The following RGS6 variants were observed in gnomAD, a reference collection of about 807,000 sequenced individuals.
RGS6 encodes regulator of G-protein signaling 6.
Under a neutral mutation model 78.5 loss-of-function variants are expected in RGS6, and 30 were observed. The observed-to-expected ratio is 0.38, with a 90% CI of 0.29 to 0.52. RGS6 has a LOEUF of 0.52. RGS6 is among the 20% of genes least tolerant of loss of function. The pLI is 0.85. For missense variants in RGS6, 495 were observed against 609.7 expected, an observed-to-expected ratio of 0.81 and a Z score of 1.98; for synonymous variants, 206 against 206.0, an observed-to-expected ratio of 1.00 and a Z score of 0.00.
chr14:72,529,156 A>C (rs116274285), intron 15 of RGS6, among the ~76,000 whole-genome samples: 1 of 152,222 alleles, frequency 6.6e-6, no homozygotes, highest in South Asian at 2.1e-4. Flanking sequence ...GAGGAGTTGC[A>C]GGGCAGGAAA....
At chr14:72,236,630 G>T (rs1360963692) in intron 2 of RGS6, among the ~76,000 whole-genome samples, 1 of 151,394 alleles carries the variant, frequency 6.6e-6, no homozygotes, top group Non-Finnish European at 1.5e-5. Flanking sequence ...CACTTGGAAG[G>T]TTGCACAGCG....
At chr14:72,320,526 A>G (rs1052183499) in intron 2 of RGS6, among the ~76,000 whole-genome samples, 21 of 152,128 alleles carry the variant, frequency 1.4e-4, no homozygotes, top group Admixed American at 2.6e-4. Context: ...TGCAGTGAGC[A>G]GAGATCACAC....
At chr14:72,205,944 A>G (rs2042602963) in intron 2 of RGS6, among the ~76,000 whole-genome samples, 1 of 152,246 alleles carries the variant, frequency 6.6e-6, no homozygotes, top group Admixed American at 6.5e-5. Flanking sequence ...CCTCTAGGCA[A>G]GCAATTTTGT....
At chr14:71,900,986 C>T in the RGS6 span, among the ~76,000 whole-genome samples, 54 of 152,288 alleles carry the variant, frequency 3.5e-4, no homozygotes, top group Admixed American at 5.9e-4. Context: ...AGCAAGAACT[C>T]ACTTATCACC....
chr14:72,286,998 G>A (rs1476381028), intron 2 of RGS6, among the ~76,000 whole-genome samples: 2 of 152,152 alleles, frequency 1.3e-5, no homozygotes, highest in East Asian at 1.9e-4. Context: ...TGGCCAGGCT[G>A]GTCTCAAACT....
chr14:72,404,349 G>T (rs2092735335), intron 3 of RGS6, among the ~76,000 whole-genome samples: 1 of 152,226 alleles, frequency 6.6e-6, no homozygotes, highest in South Asian at 2.1e-4. Flanking sequence ...AAGCTTGAGG[G>T]AAGGTGTTTG....
rs540499656 is a variant in RGS6, at chr14:72,563,484, A to C, written c.*1017A>C. 1 of 152,732 alleles carries C rather than the reference A, an allele frequency of 6.5e-6. No homozygotes were observed. Among genetic ancestry groups the C allele is most frequent in the Non-Finnish European group, 1.5e-5 (1 of 68,362 alleles). 9.5% of individuals were successfully genotyped at this position (152,732 alleles called of 1,614,324 possible). The stretch of plus-strand genomic sequence containing the variant: ...GGCACAGTGAGACCCTTGCTGGGTC[A>C]GGTCTCCTTTGTGTGTGAAGCTGGG... On this transcript the variant is annotated 3_prime_UTR_variant, in exon 18 of 18. Coordinates refer to ENST00000553525, the MANE Select transcript of RGS6 (RefSeq NM_001204424.2).
chr14:71,869,425 G>A, the RGS6 span, among the ~76,000 whole-genome samples: 12,059 of 152,174 alleles, frequency 0.079, 1,108 homozygotes, highest in African/African-American at 0.21. Context: ...CCCAGGTGGA[G>A]GGAGACCATC....
chr14:71,917,289 C>T, the RGS6 span, among the ~76,000 whole-genome samples: 1 of 152,090 alleles, frequency 6.6e-6, no homozygotes, highest in African/African-American at 2.4e-5. Flanking sequence ...GCTCCCCAGA[C>T]CTATGTTGGG....
At chr14:72,348,355 T>G (rs2078456702) in intron 2 of RGS6, among the ~76,000 whole-genome samples, 1 of 152,222 alleles carries the variant, frequency 6.6e-6, no homozygotes, top group Non-Finnish European at 1.5e-5. Context: ...ATGTCTTTAT[T>G]AAATAACTTT....
chr14:72,585,066 G>A, the RGS6 span, among the ~76,000 whole-genome samples: 1 of 151,010 alleles, frequency 6.6e-6, no homozygotes, highest in African/African-American at 2.5e-5. Flanking sequence ...AAAAAAAAAT[G>A]ATATGTGCTT....
intron 3 of RGS6, among the ~76,000 whole-genome samples, chr14:72,428,869 A>G (rs541464836): frequency 1.3e-4 from 20 of 152,282 alleles, no homozygotes; most frequent in African/African-American, 4.1e-4. Flanking sequence ...CTCAAGCACA[A>G]GTGTCTGGAC....
chr14:72,552,014 TTA>T (rs1399843132), intron 17 of RGS6, among the ~76,000 whole-genome samples: 2 of 152,394 alleles, frequency 1.3e-5, no homozygotes, highest in African/African-American at 2.4e-5. Flanking sequence ...AGTTTCATCA[TTA>T]TGATATTATT....
At chr14:72,586,577 G>A in the RGS6 span, among the ~76,000 whole-genome samples, 1 of 152,132 alleles carries the variant, frequency 6.6e-6, no homozygotes, top group Non-Finnish European at 1.5e-5. Flanking sequence ...AATGGAGTAA[G>A]ATACTGATCC....
chr14:71,988,105 C>T (rs12590831), intron 2 of RGS6, among the ~76,000 whole-genome samples: 67,617 of 151,866 alleles, frequency 0.45, 15,491 homozygotes, highest in East Asian at 0.54. Context: ...GGCCAATCTG[C>T]CAGGGAAGAG....
chr14:72,620,041 G>A, the RGS6 span: 8 of 1,457,050 alleles, frequency 5.5e-6, no homozygotes, highest in African/African-American at 7.1e-5. Context: ...CGGGGCCAAT[G>A]TCTGGCCCCC....
At chr14:72,304,740 G>C (rs569805807) in intron 2 of RGS6, among the ~76,000 whole-genome samples, 2 of 152,118 alleles carry the variant, frequency 1.3e-5, no homozygotes, top group South Asian at 4.2e-4. Context: ...TTAGCTGGGC[G>C]TGGTGGCATG....
chr14:72,268,903 T>G (rs1464562688), intron 2 of RGS6, among the ~76,000 whole-genome samples: 1 of 152,200 alleles, frequency 6.6e-6, no homozygotes, highest in African/African-American at 2.4e-5. Context: ...GACTTTTAGG[T>G]TCAGAGAGGT....
chr14:72,279,292 A>G (rs2061205542), intron 2 of RGS6, among the ~76,000 whole-genome samples: 1 of 152,144 alleles, frequency 6.6e-6, no homozygotes, highest in African/African-American at 2.4e-5. Context: ...ATCTCTCATC[A>G]TGGAGCTAAT....
Sources: gnomAD v4.1 joint callset for allele counts (sites outside exome capture counted in the v4.1 genomes callset) on GRCh38, gnomAD v4.1.1 for gene constraint, MANE v1.5 for transcripts, NCBI Gene and HGNC (gene_info 2026-07-23, HGNC 2026-07-21) for gene names.